Variants in CHRM3 observed in about 807,000 individuals in gnomAD.
The protein encoded by CHRM3 is cholinergic receptor muscarinic 3, also known as muscarinic acetylcholine receptor M3.
CHRM3 carries 11 observed loss-of-function variants against 41.8 expected under a neutral mutation model. The observed-to-expected ratio is 0.26, with a 90% confidence interval of 0.17 to 0.44. The LOEUF (loss-of-function observed/expected upper bound fraction) is 0.44. Among genes scored for constraint, CHRM3 ranks in the 20% least tolerant of loss-of-function variants. The probability of loss-of-function intolerance (pLI) is 1.00; values close to 1 mark genes in which losing one functional copy is unlikely to be tolerated. For synonymous variants in CHRM3, 297 were observed against 301.4 expected (o/e 0.99, Z 0.15); for missense variants, 571 against 745.4 (o/e 0.77, Z 2.72).
chr1:239,728,154 ATTG>A (rs1663621098), intron 5 of CHRM3, among the ~76,000 whole-genome samples: 1 of 151,834 alleles, frequency 6.6e-6, no homozygotes, highest in African/African-American at 2.4e-5. Flanking sequence ...CTTTTTGCCC[ATTG>A]TTGTTAAGGG....
rs1388363001 is a variant in CHRM3, at chr1:239,752,811, C to CT, written c.-146-74434dup. Among the ~76,000 whole-genome samples, 10 of 152,028 alleles carry CT rather than the reference C, an allele frequency of 6.6e-5. No individual in the cohort carries two copies. In the South Asian group the frequency reaches 1.9e-3, roughly 28 times the overall value. Reference sequence around the variant, plus strand: ...ATGTGATAATAATTTTATTTTTGACCTTTTTTTCACTAGGCTTAAACTATA... The same window carrying CT: ...ATGTGATAATAATTTTATTTTTGACCTTTTTTTTCACTAGGCTTAAACTATA... On this transcript the variant is annotated intron_variant, in intron 5 of 6. Transcript: ENST00000676153.
intron 1 of CHRM3, among the ~76,000 whole-genome samples, chr1:239,417,081 T>TG (rs1661557229): frequency 6.6e-6 from 1 of 152,128 alleles, no homozygotes; most frequent in Admixed American, 6.6e-5. Context: ...ACTGAGTAGG[T>TG]GATTTTGCAG....
At chr1:239,422,069 A>G (rs1432231975) in intron 1 of CHRM3, among the ~76,000 whole-genome samples, 1 of 152,228 alleles carries the variant, frequency 6.6e-6, no homozygotes, top group Non-Finnish European at 1.5e-5. Context: ...GAGATAATAA[A>G]TGATGCAAGA....
At chr1:239,606,613 T>C (rs1485946638) in intron 3 of CHRM3, among the ~76,000 whole-genome samples, 2 of 152,132 alleles carry the variant, frequency 1.3e-5, no homozygotes, top group African/African-American at 4.8e-5. Context: ...GTAGGTTTAA[T>C]TTACATAAAG....
At chr1:239,436,663 C>T (rs1663295682) in intron 1 of CHRM3, among the ~76,000 whole-genome samples, 1 of 152,092 alleles carries the variant, frequency 6.6e-6, no homozygotes, top group South Asian at 2.1e-4. Flanking sequence ...ATTAATCATG[C>T]TCAGTTACTT....
rs192036634 is a variant in CHRM3 at position 239,543,839 on chromosome 1, G to A, written c.-421-1802G>A. On this transcript the variant is annotated intron_variant, in intron 2 of 6. Coordinates refer to ENST00000676153, the MANE Select transcript of CHRM3 (RefSeq NM_001375978.1). ...CCGATTTTTATAAGGGGTCAGATAG[G>A]ATATATTTCAGGCTTTGTGGGTCAT... 1.4e-3 allele frequency among the ~76,000 whole-genome samples: 207 copies of A among 152,134 alleles called. 2 individuals are homozygous for A. Among genetic ancestry groups the A allele is most frequent in the Non-Finnish European group, 1.4e-3 (97 of 67,994 alleles).
intron 5 of CHRM3, chr1:239,720,056 T>TA (rs1662784599): frequency 6.6e-6 from 1 of 151,926 alleles, no homozygotes; most frequent in Non-Finnish European, 1.5e-5. Context: ...TAAAAATACT[T>TA]ATGCAGAAGA....
chr1:239,517,967 G>A (rs1353643388), intron 2 of CHRM3, among the ~76,000 whole-genome samples: 3 of 152,090 alleles, frequency 2.0e-5, no homozygotes, highest in East Asian at 1.9e-4. Flanking sequence ...TTAGCCGGAC[G>A]TGGTGGCACG....
At chr1:239,671,802 G>T (rs1674396771) in intron 4 of CHRM3, among the ~76,000 whole-genome samples, 1 of 151,784 alleles carries the variant, frequency 6.6e-6, no homozygotes, top group South Asian at 2.1e-4. Context: ...AGTTTATCAA[G>T]GGCCAAGCCT....
intron 2 of CHRM3, among the ~76,000 whole-genome samples, chr1:239,509,511 G>T (rs946645142): frequency 1.3e-5 from 2 of 152,126 alleles, no homozygotes; most frequent in South Asian, 4.1e-4. Flanking sequence ...TGATTTCTGT[G>T]TGATAACCCC....
chr1:239,710,955 A>G (rs573714288), intron 5 of CHRM3, among the ~76,000 whole-genome samples: 1 of 151,828 alleles, frequency 6.6e-6, no homozygotes, highest in South Asian at 2.1e-4. Flanking sequence ...AGGAAATTGA[A>G]ATAATACTGT....
intron 6 of CHRM3, among the ~76,000 whole-genome samples, chr1:239,877,424 TAA>T (rs11317539): frequency 1.3e-4 from 19 of 150,312 alleles, no homozygotes; most frequent in South Asian, 2.1e-4. Context: ...TCTATAAAAA[TAA>T]AAAAAAAAAG....
At chr1:239,698,731 G>A (rs1660414618) in intron 5 of CHRM3, among the ~76,000 whole-genome samples, 1 of 152,134 alleles carries the variant, frequency 6.6e-6, no homozygotes, top group Non-Finnish European at 1.5e-5. Context: ...GAAACATTGA[G>A]TTTAATAAAC....
At chr1:239,430,543 A>G (rs10925885) in intron 1 of CHRM3, among the ~76,000 whole-genome samples, 85,279 of 151,808 alleles carry the variant, frequency 0.56, 24,259 homozygotes, top group Middle Eastern at 0.63. Flanking sequence ...AGCTTAATTT[A>G]GGAAGAACAC....
At chr1:239,561,234 T>C (rs1439982427) in intron 3 of CHRM3, among the ~76,000 whole-genome samples, 1 of 152,230 alleles carries the variant, frequency 6.6e-6, no homozygotes. Context: ...GACATTAACG[T>C]AACATAACAC....
chr1:239,416,579 TTTC>T lies in CHRM3; in HGVS notation c.-521+29355_-521+29357del, dbSNP rs537315606. 2.7e-3 allele frequency among the ~76,000 whole-genome samples: 417 copies of T among 152,328 alleles called. 3 individuals carry two copies. The highest frequency in any genetic ancestry group is 0.02 in the Middle Eastern group (6 of 294). On this transcript the variant is annotated intron_variant, in intron 1 of 6. Coordinates refer to ENST00000676153, the MANE Select transcript of CHRM3 (RefSeq NM_001375978.1). ...TCTTCTTTTTGCTGCCAATTAATAT[TTTC>T]TTTCTTTTCAGAAAATGATTTCAAG...
At chr1:239,703,280 A>G (rs1660852417) in intron 5 of CHRM3, 1 of 152,180 alleles carries the variant, frequency 6.6e-6, no homozygotes, top group Non-Finnish European at 1.5e-5. Flanking sequence ...TTCAGCTTTC[A>G]CTATTGCTGT....
intron 3 of CHRM3, among the ~76,000 whole-genome samples, chr1:239,576,770 A>G (rs982219295): frequency 4.6e-5 from 7 of 151,060 alleles, no homozygotes; most frequent in Non-Finnish European, 8.8e-5. Flanking sequence ...AGGCTGAGCA[A>G]CAGAGCAAGA....
chr1:239,846,483 T>C (rs1164222124), intron 6 of CHRM3, among the ~76,000 whole-genome samples: 1 of 152,108 alleles, frequency 6.6e-6, no homozygotes, highest in Non-Finnish European at 1.5e-5. Flanking sequence ...GATAAGCCAA[T>C]AAAAAATACA....
Sources: gnomAD v4.1 joint callset for allele counts (sites outside exome capture counted in the v4.1 genomes callset) on GRCh38, gnomAD v4.1.1 for gene constraint, MANE v1.5 for transcripts, NCBI Gene and HGNC (gene_info 2026-07-23, HGNC 2026-07-21) for gene names.